The following PTN variants were observed in gnomAD, a reference collection of about 807,000 sequenced individuals.
The protein encoded by PTN is heparin affin regulatory protein.
Under a neutral mutation model 24.1 loss-of-function variants are expected in PTN, and 18 were observed. That is an observed-to-expected ratio of 0.75 (90% CI 0.52 to 1.11). PTN has a LOEUF of 1.11. Among genes scored for constraint, PTN ranks in the 50% least tolerant of loss-of-function variants. The pLI, the probability that PTN is intolerant of heterozygous loss-of-function variation, is 0.00. For synonymous variants in PTN, 78 were observed against 68.6 expected, an observed-to-expected ratio of 1.14 and a Z score of -0.67; for missense variants, 163 against 198.8, an observed-to-expected ratio of 0.82 and a Z score of 1.08.
chr7:137,250,310 T>A (rs1380601895), intron 4 of PTN, among the ~76,000 whole-genome samples: 3 of 152,224 alleles, frequency 2.0e-5, no homozygotes, highest in Non-Finnish European at 4.4e-5. Flanking sequence ...TGATTTCTTC[T>A]GAAGGTTCTC....
intron 1 of PTN, among the ~76,000 whole-genome samples, chr7:137,270,736 GA>G (rs1809258982): frequency 6.6e-6 from 1 of 152,002 alleles, no homozygotes; most frequent in Non-Finnish European, 1.5e-5. Flanking sequence ...AAATAACATG[GA>G]AAAAAATAGA....
rs35933215 is a variant in PTN at position 137,301,574 on chromosome 7, T to TAAA, written c.-2+41862_-2+41864dup. 7.1e-3 allele frequency among the ~76,000 whole-genome samples: 1,061 copies of TAAA among 149,424 alleles called. 10 individuals are homozygous for TAAA. Among genetic ancestry groups the TAAA allele is most frequent in the African/African-American group, 0.017 (677 of 40,938 alleles). On this transcript the variant is annotated intron_variant, in intron 1 of 4. Transcript: ENST00000348225. The stretch of plus-strand genomic sequence containing the variant: ...CAAGCGAGAAATTGTGTATATTAAG[T>TAAA]AAAAAAAAAAATGTATAGCAAGCCT...
At chr7:137,274,161 T>A (rs1038873656) in intron 1 of PTN, among the ~76,000 whole-genome samples, 13 of 152,118 alleles carry the variant, frequency 8.5e-5, no homozygotes, top group African/African-American at 3.1e-4. Flanking sequence ...AAGAGAGGCC[T>A]GAGAAGGTGC....
At chr7:137,324,410 C>T (rs2128881723) in intron 1 of PTN, among the ~76,000 whole-genome samples, 1 of 77,674 alleles carries the variant, frequency 1.3e-5, no homozygotes. Context: ...CAGCGAGACC[C>T]TGTCTCTAAA....
intron 1 of PTN, among the ~76,000 whole-genome samples, chr7:137,301,769 T>C (rs1265268105): frequency 6.6e-6 from 1 of 151,906 alleles, no homozygotes; most frequent in East Asian, 1.9e-4. Context: ...TTGAACTCAG[T>C]AGAAAAAGCA....
chr7:137,272,515 G>T (rs1809291562), intron 1 of PTN, among the ~76,000 whole-genome samples: 2 of 152,052 alleles, frequency 1.3e-5, no homozygotes, highest in African/African-American at 4.8e-5. Flanking sequence ...CCATTCCACG[G>T]ACCCTCCTCA....
At chr7:137,251,745 C>A (rs751569298) in intron 3 of PTN, among the ~76,000 whole-genome samples, 2 of 151,824 alleles carry the variant, frequency 1.3e-5, no homozygotes, top group Non-Finnish European at 2.9e-5. Flanking sequence ...CTAGCTCTAT[C>A]ATTTTTCTAG....
chr7:137,244,374 ATTTTTTTTTTTTT>A (rs1242182641), intron 4 of PTN, among the ~76,000 whole-genome samples: 12 of 131,166 alleles, frequency 9.1e-5, no homozygotes, highest in Admixed American at 8.6e-4. Flanking sequence ...TCTCCTCAGA[ATTTTTTTTTTTTT>A]TTTTTTTTTT....
chr7:137,283,363 C>T (rs960184544), intron 1 of PTN, among the ~76,000 whole-genome samples: 23 of 151,926 alleles, frequency 1.5e-4, no homozygotes, highest in African/African-American at 5.3e-4. Context: ...TATTTCCAGC[C>T]GATTCAGTTC....
In PTN at chr7:137,267,953, C is replaced by A. The variant is rs971819180; in HGVS notation, c.-1-12979G>T. 2.0e-5 allele frequency among the ~76,000 whole-genome samples: 3 copies of A among 152,164 alleles called. No homozygotes were observed. In the East Asian group the frequency reaches 5.8e-4, roughly 29 times the overall value. On this transcript the variant is annotated intron_variant, in intron 1 of 4. Transcript: ENST00000348225. ...GAGTAGGCAAGTTCCCAAGATCAAT[C>A]CTGTCAAGCAATTCAAACCAAGTCA...
At chr7:137,271,016 A>G (rs1325763081) in intron 1 of PTN, among the ~76,000 whole-genome samples, 1 of 152,122 alleles carries the variant, frequency 6.6e-6, no homozygotes, top group African/African-American at 2.4e-5. Flanking sequence ...ATTCTTCTGG[A>G]ATTCAGTAGT....
intron 1 of PTN, among the ~76,000 whole-genome samples, chr7:137,309,028 G>A (rs1452356390): frequency 6.6e-6 from 1 of 152,190 alleles, no homozygotes; most frequent in African/African-American, 2.4e-5. Flanking sequence ...CTAGAGCACA[G>A]TAAAGAGTGA....
At chr7:137,237,682 C>A (rs1454012802) in intron 4 of PTN, among the ~76,000 whole-genome samples, 1 of 152,136 alleles carries the variant, frequency 6.6e-6, no homozygotes, top group East Asian at 1.9e-4. Flanking sequence ...CATGTCCTCC[C>A]AGCTGTAAGC....
chr7:137,334,619 G>A (rs1478732923), intron 1 of PTN, among the ~76,000 whole-genome samples: 2 of 115,584 alleles, frequency 1.7e-5, no homozygotes, highest in Non-Finnish European at 3.7e-5. Context: ...TTCAACCATT[G>A]TGGAAGTCAG....
intron 1 of PTN, among the ~76,000 whole-genome samples, chr7:137,291,919 G>A (rs754430687): frequency 6.6e-6 from 1 of 152,104 alleles, no homozygotes; most frequent in East Asian, 1.9e-4. Context: ...AACTTGGCTA[G>A]GGTTTCAACC....
intron 1 of PTN, among the ~76,000 whole-genome samples, chr7:137,324,433 A>AAAAAAAAAAAAAAAAAAAT: frequency 6.8e-5 from 6 of 88,762 alleles, no homozygotes; most frequent in African/African-American, 4.1e-4. Flanking sequence ...AAAAAAAAAA[A>AAAAAAAAAAAAAAAAAAAT]ATATATATAT....
chr7:137,331,984 T>C (rs1810366424), intron 1 of PTN, among the ~76,000 whole-genome samples: 1 of 152,252 alleles, frequency 6.6e-6, no homozygotes, highest in Non-Finnish European at 1.5e-5. Context: ...GCTGGCTCTT[T>C]TATGAGCATT....
chr7:137,306,952 C>T lies in PTN; in HGVS notation c.-2+36487G>A, dbSNP rs190894427. ...CACACAATCTCGGGTGGTTACTTCA[C>T]CTGCCAGTGCCTCGCATTCCTCATA... On this transcript the variant is annotated intron_variant, in intron 1 of 4. Coordinates refer to ENST00000348225, the MANE Select transcript of PTN (RefSeq NM_002825.7). Among the ~76,000 whole-genome samples, 14 of 152,162 alleles carry T rather than the reference C, an allele frequency of 9.2e-5. No individual in the cohort carries two copies. The East Asian group carries it at 2.3e-3, about 25-fold the overall frequency.
chr7:137,276,836 TTTGA>T (rs961810635), intron 1 of PTN, among the ~76,000 whole-genome samples: 3 of 152,148 alleles, frequency 2.0e-5, no homozygotes, highest in Non-Finnish European at 2.9e-5. Context: ...CTCAGTAAAG[TTTGA>T]TTGTGTCTGA....
Sources: allele counts gnomAD v4.1 joint callset (sites outside exome capture counted in the v4.1 genomes callset), GRCh38; gene constraint gnomAD v4.1.1; transcripts MANE v1.5; gene names NCBI Gene and HGNC (gene_info 2026-07-23, HGNC 2026-07-21).